PLPP4: variants seen among roughly 807,000 people sequenced by gnomAD.
PLPP4 encodes diacylglycerol pyrophosphate like 2.
Under a neutral mutation model 32.2 loss-of-function variants are expected in PLPP4, and 20 were observed. The ratio of observed to expected loss-of-function variants is 0.62; its 90% CI spans 0.44 to 0.90. The LOEUF is 0.90. PLPP4 is among the 40% of genes least tolerant of loss of function. The pLI is 0.00. For synonymous variants in PLPP4, 127 were observed against 133.0 expected, an observed-to-expected ratio of 0.95 and a Z score of 0.31; for missense variants, 257 against 353.1, an observed-to-expected ratio of 0.73 and a Z score of 2.18.
At chr10:120,514,597 G>A (rs1341222562) in intron 3 of PLPP4, among the ~76,000 whole-genome samples, 1 of 152,160 alleles carries the variant, frequency 6.6e-6, no homozygotes, top group African/African-American at 2.4e-5. Context: ...TTCCCAAGAC[G>A]AGCCATGTCT....
chr10:120,485,401 T>C (rs1844401270), intron 1 of PLPP4, among the ~76,000 whole-genome samples: 1 of 152,246 alleles, frequency 6.6e-6, no homozygotes, highest in South Asian at 2.1e-4. Context: ...CTCTTTTCCA[T>C]ACCCAAACCC....
chr10:120,532,554 C>T (rs11597798), intron 5 of PLPP4, among the ~76,000 whole-genome samples: 20,684 of 152,066 alleles, frequency 0.14, 1,790 homozygotes, highest in South Asian at 0.21. Flanking sequence ...TTTGCACAAT[C>T]ACCACAATCT....
At position 120,529,954 on chromosome 10, in the gene PLPP4, C is replaced by A. The variant is rs563220499; in HGVS notation, c.445+8859C>A. The stretch of plus-strand genomic sequence containing the variant: ...GCAACAGACCAAGACCTGTCTCAAA[C>A]AAACAAACAAAAATCCAATGCCTCT... On this transcript the variant is annotated intron_variant, in intron 5 of 6. Transcript: ENST00000398250. Among the ~76,000 whole-genome samples the A allele has an allele frequency of 9.9e-5, 15 of 152,186 alleles. No homozygotes were observed. The East Asian group carries it at 2.7e-3, about 27-fold the overall frequency.
intron 6 of PLPP4, among the ~76,000 whole-genome samples, chr10:120,583,842 G>T (rs1470997456): frequency 1.3e-5 from 2 of 152,168 alleles, no homozygotes; most frequent in African/African-American, 4.8e-5. Context: ...CCTAGGTAAT[G>T]ACATGTAGTT....
At chr10:120,510,833 G>A (rs990340576) in intron 2 of PLPP4, among the ~76,000 whole-genome samples, 1 of 152,206 alleles carries the variant, frequency 6.6e-6, no homozygotes, top group Non-Finnish European at 1.5e-5. Flanking sequence ...TTCACGGACT[G>A]TGCTGCCCAA....
At chr10:120,554,395 A>T (rs2133994133) in intron 5 of PLPP4, among the ~76,000 whole-genome samples, 1 of 152,236 alleles carries the variant, frequency 6.6e-6, no homozygotes, top group Non-Finnish European at 1.5e-5. Flanking sequence ...TGGTCACAAC[A>T]ATTTAACAAG....
At chr10:120,503,536 C>T (rs746567378) in intron 1 of PLPP4, 1 of 1,596,194 alleles carries the variant, frequency 6.3e-7, no homozygotes, top group East Asian at 2.2e-5. Context: ...TACTTTGGAA[C>T]CCCAAGTCCT....
chr10:120,490,272 C>T (rs973542998), intron 1 of PLPP4, among the ~76,000 whole-genome samples: 6 of 152,200 alleles, frequency 3.9e-5, no homozygotes, highest in African/African-American at 9.6e-5. Context: ...CTATAGGCCA[C>T]GTGCTTGAGA....
chr10:120,528,138 G>C (rs1338812964), intron 5 of PLPP4, among the ~76,000 whole-genome samples: 4 of 137,256 alleles, frequency 2.9e-5, no homozygotes, highest in African/African-American at 1.1e-4. Flanking sequence ...GCAGCGGCGC[G>C]ATCTCGGCTC....
At chr10:120,485,037 G>A (rs1319825360) in intron 1 of PLPP4, among the ~76,000 whole-genome samples, 4 of 152,210 alleles carry the variant, frequency 2.6e-5, no homozygotes, top group Non-Finnish European at 5.9e-5. Context: ...CTAGATGCTG[G>A]AAAAGGCAAG....
intron 5 of PLPP4, among the ~76,000 whole-genome samples, chr10:120,551,960 A>G (rs1159831874): frequency 2.0e-5 from 3 of 151,940 alleles, no homozygotes; most frequent in Admixed American, 2.0e-4. Flanking sequence ...TTTTTTTTAC[A>G]ATTTGTAATT....
intron 1 of PLPP4, among the ~76,000 whole-genome samples, chr10:120,493,691 C>T (rs528727882): frequency 4.5e-4 from 68 of 152,274 alleles, no homozygotes; most frequent in African/African-American, 1.5e-3. Flanking sequence ...TAGGAGGGTA[C>T]AGCAGTAGAG....
intron 5 of PLPP4, among the ~76,000 whole-genome samples, chr10:120,563,824 AAAAAAAAAAAAAAT>A (rs1848560779): frequency 6.8e-6 from 1 of 148,134 alleles, no homozygotes; most frequent in Non-Finnish European, 1.5e-5. Flanking sequence ...AAAAAAAAAA[AAAAAAAAAAAAAAT>A]CTTGAATTTT....
intron 1 of PLPP4, among the ~76,000 whole-genome samples, chr10:120,461,211 C>T (rs895214297): frequency 1.3e-5 from 2 of 152,148 alleles, no homozygotes; most frequent in East Asian, 1.9e-4. Context: ...TTTAAGAGTA[C>T]GATGTGGTGA....
At chr10:120,554,320 G>A (rs1350660357) in intron 5 of PLPP4, among the ~76,000 whole-genome samples, 1 of 152,152 alleles carries the variant, frequency 6.6e-6, no homozygotes, top group Admixed American at 6.5e-5. Flanking sequence ...TTTTCAAAAA[G>A]TTCCTCATCT....
intron 2 of PLPP4, among the ~76,000 whole-genome samples, 154 bp from the exon 3 acceptor site, chr10:120,513,757 C>T (rs1845821549): frequency 1.7e-5 from 1 of 60,204 alleles, no homozygotes. Flanking sequence ...CACAGACATA[C>T]ATCATCCTTT....
At chr10:120,571,093 CGTGTGT>C (rs60011757) in intron 5 of PLPP4, among the ~76,000 whole-genome samples, 46 of 144,660 alleles carry the variant, frequency 3.2e-4, no homozygotes, top group South Asian at 1.4e-3. Flanking sequence ...AGTAAAGGGG[CGTGTGT>C]GTGTGTGTGT....
intron 6 of PLPP4, among the ~76,000 whole-genome samples, chr10:120,580,541 G>A (rs1466721944): frequency 1.3e-5 from 2 of 151,822 alleles, no homozygotes; most frequent in East Asian, 3.9e-4. Flanking sequence ...AACAGGGAGG[G>A]GTGTAAATCC....
intron 5 of PLPP4, among the ~76,000 whole-genome samples, chr10:120,547,301 A>G (rs996385345): frequency 1.3e-5 from 2 of 152,114 alleles, no homozygotes; most frequent in Non-Finnish European, 2.9e-5. Context: ...AGGGCAAATC[A>G]TAACCCTATG....
Sources: allele counts gnomAD v4.1 joint callset (sites outside exome capture counted in the v4.1 genomes callset), GRCh38; gene constraint gnomAD v4.1.1; transcripts MANE v1.5; gene names NCBI Gene and HGNC (gene_info 2026-07-23, HGNC 2026-07-21).